Variants in PREX2 observed in about 807,000 individuals in gnomAD.
PREX2 encodes the protein phosphatidylinositol-3,4,5-trisphosphate dependent Rac exchange factor 2, also known as phosphatidylinositol 3,4,5-trisphosphate-dependent Rac exchanger 2 protein.
In PREX2, 107 loss-of-function variants were observed where a neutral mutation model predicts 203.2. That is an observed-to-expected ratio of 0.53 (90% CI 0.45 to 0.62). PREX2 has a LOEUF of 0.62. PREX2 is among the 20% of genes least tolerant of loss of function. The probability of loss-of-function intolerance (pLI) is 0.00; values close to 1 mark genes in which losing one functional copy is unlikely to be tolerated. For synonymous variants in PREX2, 672 were observed against 663.6 expected, an observed-to-expected ratio of 1.01 and a Z score of -0.19; for missense variants, 1,777 against 1,955.9, an observed-to-expected ratio of 0.91 and a Z score of 1.72.
rs540348241 is a variant in PREX2, at chr8:68,137,985, CAT to C, written c.3985-429_3985-428del. Among the ~76,000 whole-genome samples the C allele has an allele frequency of 6.2e-3, 951 of 152,284 alleles. 12 individuals are homozygous for C. The highest frequency in any genetic ancestry group is 0.021 in the African/African-American group (892 of 41,564). ...GCAAATGAATATGAATAAGTTATCT[CAT>C]TATAAAATAGGATAGCTATTATGTA... On this transcript the variant is annotated intron_variant, in intron 32 of 39. Transcript: ENST00000288368.
chr8:67,988,900 C>T (rs1019623986), intron 1 of PREX2, among the ~76,000 whole-genome samples: 1 of 152,198 alleles, frequency 6.6e-6, no homozygotes, highest in African/African-American at 2.4e-5. Context: ...GATCCTAGAA[C>T]ACCTGATTTT....
intron 35 of PREX2, among the ~76,000 whole-genome samples, chr8:68,160,824 T>C (rs987871572): frequency 6.6e-6 from 1 of 152,146 alleles, no homozygotes; most frequent in Admixed American, 6.5e-5. Flanking sequence ...ATAAAGACAG[T>C]ATGAGACCAA....
At chr8:68,022,424 A>G (rs1373336669) in intron 4 of PREX2, among the ~76,000 whole-genome samples, 1 of 152,136 alleles carries the variant, frequency 6.6e-6, no homozygotes, top group Non-Finnish European at 1.5e-5. Flanking sequence ...TCACTGCTTT[A>G]TAGCCCCAGT....
intron 35 of PREX2, among the ~76,000 whole-genome samples, chr8:68,167,734 C>A (rs969166989): frequency 6.6e-6 from 1 of 152,168 alleles, no homozygotes; most frequent in Non-Finnish European, 1.5e-5. Context: ...TGGTGTAAAT[C>A]AATGTCCAGT....
At chr8:68,022,199 C>T (rs1295477708) in intron 4 of PREX2, 59 bp downstream of exon 4, 2 of 852,314 alleles carry the variant, frequency 2.3e-6, no homozygotes, top group Non-Finnish European at 4.1e-6. Flanking sequence ...CCAGTGAGAG[C>T]CAAGGAATAG....
chr8:67,972,999 C>T (rs983301080), intron 1 of PREX2, among the ~76,000 whole-genome samples: 1 of 152,132 alleles, frequency 6.6e-6, no homozygotes, highest in African/African-American at 2.4e-5. Flanking sequence ...CTTCTCTGGT[C>T]TCCCTGGACT....
chr8:68,007,017 A>C (rs2129609881), intron 1 of PREX2, among the ~76,000 whole-genome samples: 1 of 152,316 alleles, frequency 6.6e-6, no homozygotes, highest in Non-Finnish European at 1.5e-5. Flanking sequence ...CTGTGGAAGG[A>C]AAGTTTCCTT....
chr8:68,114,814 C>T (rs761946833), intron 25 of PREX2, among the ~76,000 whole-genome samples: 7 of 152,026 alleles, frequency 4.6e-5, no homozygotes, highest in East Asian at 1.9e-4. Flanking sequence ...AGCAGGGAGA[C>T]GGATAGACAA....
intron 11 of PREX2, 81 bp from the exon 12 acceptor site, chr8:68,068,952 A>C (rs1003111822): frequency 1.9e-6 from 1 of 531,650 alleles, no homozygotes; most frequent in Non-Finnish European, 3.1e-6. Flanking sequence ...TTTGGGAATA[A>C]GTATTTAATA....
intron 1 of PREX2, among the ~76,000 whole-genome samples, chr8:67,986,676 G>A (rs1413115158): frequency 1.3e-5 from 2 of 152,188 alleles, no homozygotes; most frequent in South Asian, 2.1e-4. Flanking sequence ...CTGGCACCCA[G>A]CATGGTGCCT....
intron 37 of PREX2, among the ~76,000 whole-genome samples, chr8:68,207,630 A>G (rs1812656635): frequency 6.6e-6 from 1 of 152,128 alleles, no homozygotes; most frequent in South Asian, 2.1e-4. Context: ...GACACGCTAT[A>G]CTTCATACTA....
intron 31 of PREX2, among the ~76,000 whole-genome samples, chr8:68,130,745 T>G (rs1440967334): frequency 6.6e-6 from 1 of 152,146 alleles, no homozygotes; most frequent in Admixed American, 6.5e-5. Context: ...CTGGCCTTGA[T>G]GTACTGATGG....
In PREX2 at chr8:68,080,474, C is replaced by G. The variant is rs745739419; in HGVS notation, c.1674C>G (p.Pro558=). ...VLEKSEFKDE[P]LLFRFFSDEE... Reference sequence around the variant, plus strand: ...AAAAAAGCGAATTCAAAGATGAACCCCTACTTTTCCGTTTTTTTTCGGATG... The same window carrying G: ...AAAAAAGCGAATTCAAAGATGAACCGCTACTTTTCCGTTTTTTTTCGGATG... The change falls in exon 16 of 40, where the codon CCC becomes CCG. Residue 558 remains proline (P), a synonymous_variant. Coordinates refer to ENST00000288368, the MANE Select transcript of PREX2 (RefSeq NM_024870.4). 1.9e-6 allele frequency: 3 copies of G among 1,612,166 alleles called. No homozygotes were observed. Among genetic ancestry groups the G allele is most frequent in the Non-Finnish European group, 1.7e-6 (2 of 1,179,290 alleles).
At chr8:68,143,327 CA>C (rs1811263005) in intron 33 of PREX2, among the ~76,000 whole-genome samples, 1 of 152,004 alleles carries the variant, frequency 6.6e-6, no homozygotes, top group African/African-American at 2.4e-5. Context: ...AAGTGTGTAG[CA>C]TGTCCCAGCT....
chr8:68,150,646 T>C (rs749625104), intron 34 of PREX2, among the ~76,000 whole-genome samples: 5 of 152,164 alleles, frequency 3.3e-5, no homozygotes, highest in Non-Finnish European at 7.3e-5. Flanking sequence ...TGGAGCAGCT[T>C]TGCCAAGGTG....
Position 68,019,675 on chromosome 8 carries a change from G to A in PREX2, c.336+4G>A. The A allele has an allele frequency of 6.3e-7, 1 of 1,596,822 alleles. No homozygotes were observed. The highest frequency in any genetic ancestry group is 8.5e-7 in the Non-Finnish European group (1 of 1,175,738). ...GGGAACCTGCTTTCTTCACTTTGTA[G>A]GATAAATTTCTTTTTATTTTAAAAG... On this transcript the variant is annotated splice_donor_region_variant and intron_variant, in intron 3 of 39. Transcript: ENST00000288368.
intron 17 of PREX2, chr8:68,082,970 A>G (rs1030749): frequency 0.53 from 153,861 of 289,988 alleles, 41,269 homozygotes; most frequent in Non-Finnish European, 0.55. Flanking sequence ...ACAGTAAAAT[A>G]TAACAGAAGA....
rs755393466 is a variant in PREX2, at chr8:68,097,043, G to A, written c.2395G>A (p.Ala799Thr). ...EEVIDKFNTM[A>T]IIDGKKEHVS... ...GGTTATTGACAAATTCAACACTATG[G>A]CCATCATTGATGGGAAGAAGGAGCA... Residue 799 changes from alanine to threonine, a missense_variant, in exon 22 of 40, where the codon GCC becomes ACC. Physicochemically the swap from Ala to Thr is moderately conservative, Grantham distance 58. Coordinates refer to ENST00000288368, the MANE Select transcript of PREX2 (RefSeq NM_024870.4). The A allele has an allele frequency of 2.5e-6, 4 of 1,613,552 alleles. No homozygotes were observed. The African/African-American group carries it at 4.0e-5, about 16-fold the overall frequency.
At chr8:68,118,919 A>G in intron 27 of PREX2, 1 of 587,546 alleles carries the variant, frequency 1.7e-6, no homozygotes, top group South Asian at 1.4e-5. Context: ...ATGAAGGATT[A>G]TAGGTACACA....
Sources: allele counts gnomAD v4.1 joint callset (sites outside exome capture counted in the v4.1 genomes callset), GRCh38; gene constraint gnomAD v4.1.1; transcripts MANE v1.5; gene names NCBI Gene and HGNC (gene_info 2026-07-23, HGNC 2026-07-21).